NFATC3: variants seen among roughly 807,000 people sequenced by gnomAD.
The protein encoded by NFATC3 is nuclear factor of activated T cells 3, also known as nuclear factor of activated T-cells, cytoplasmic 3.
NFATC3 carries 46 observed loss-of-function variants against 98.6 expected under a neutral mutation model. The ratio of observed to expected loss-of-function variants is 0.47; its 90% CI spans 0.37 to 0.60. The LOEUF (loss-of-function observed/expected upper bound fraction) is 0.60. NFATC3 is among the 20% of genes least tolerant of loss of function. NFATC3 has a pLI of 0.00. For synonymous variants in NFATC3, 512 were observed against 472.2 expected (o/e 1.08, Z -1.09); for missense variants, 1,256 against 1,295.5 (o/e 0.97, Z 0.47).
At chr16:68,223,588 C>T (rs983447147) in intron 9 of NFATC3, among the ~76,000 whole-genome samples, 18 of 152,158 alleles carry the variant, frequency 1.2e-4, no homozygotes, top group East Asian at 1.9e-4. Flanking sequence ...GGTAACAGAG[C>T]GAGACCCTGT....
intron 6 of NFATC3, among the ~76,000 whole-genome samples, chr16:68,176,706 A>G (rs8048035): frequency 0.04 from 6,112 of 152,262 alleles, 365 homozygotes; most frequent in African/African-American, 0.13. Context: ...TTACTATGCA[A>G]TAACTGTGTC....
chr16:68,170,494 C>CTT (rs1364251442), intron 5 of NFATC3, among the ~76,000 whole-genome samples: 17 of 131,040 alleles, frequency 1.3e-4, no homozygotes, highest in African/African-American at 4.2e-4. Context: ...TCTGGCTGTT[C>CTT]TTTTTTTTTT....
intron 9 of NFATC3, among the ~76,000 whole-genome samples, chr16:68,193,416 G>T (rs981138698): frequency 6.6e-6 from 1 of 152,168 alleles, no homozygotes; most frequent in African/African-American, 2.4e-5. Flanking sequence ...TGTGGTCTCA[G>T]TGCTTTGGGA....
intron 6 of NFATC3, among the ~76,000 whole-genome samples, chr16:68,180,315 T>A (rs1336336656): frequency 6.6e-6 from 1 of 152,208 alleles, no homozygotes; most frequent in South Asian, 2.1e-4. Context: ...ATGTTTAGCC[T>A]AGTTGTTGGA....
chr16:68,095,653 C>T (rs1344194345), intron 1 of NFATC3, among the ~76,000 whole-genome samples: 3 of 152,166 alleles, frequency 2.0e-5, no homozygotes, highest in African/African-American at 7.2e-5. Flanking sequence ...TGTGCCCAGC[C>T]AGTTGAGGGA....
chr16:68,138,473 A>G (rs937698831), intron 3 of NFATC3: 88 of 1,251,834 alleles, frequency 7.0e-5, no homozygotes, highest in Non-Finnish European at 8.8e-5. Context: ...AAATTTTTTA[A>G]AAGTTTATTT....
chr16:68,089,046 C>A (rs59909969), intron 1 of NFATC3: 59 of 985,238 alleles, frequency 6.0e-5, no homozygotes, highest in Non-Finnish European at 7.0e-5. Context: ...AGGAAATTGA[C>A]GAGAATTGTT....
intron 1 of NFATC3, among the ~76,000 whole-genome samples, chr16:68,110,561 G>A (rs1241735518): frequency 4.0e-5 from 6 of 151,756 alleles, no homozygotes; most frequent in African/African-American, 7.3e-5. Context: ...TGATCTGCCC[G>A]CCTCAGCCTC....
intron 9 of NFATC3, chr16:68,221,342 A>G: frequency 6.2e-7 from 1 of 1,604,306 alleles, no homozygotes; most frequent in Non-Finnish European, 8.5e-7. Context: ...GAAGGAAAGC[A>G]GAGGACTTGC....
chr16:68,088,537 TA>T (rs779059667), intron 1 of NFATC3, among the ~76,000 whole-genome samples: 59 of 148,556 alleles, frequency 4.0e-4, no homozygotes, highest in Admixed American at 8.8e-4. Flanking sequence ...ATTTTATATA[TA>T]TTTTTTCTTT....
chr16:68,214,489 C>G, intron 9 of NFATC3: 1 of 1,476,758 alleles, frequency 6.8e-7, no homozygotes, highest in Admixed American at 1.7e-5. Flanking sequence ...TATTTGCATG[C>G]AGTGGCTGGA....
intron 1 of NFATC3, among the ~76,000 whole-genome samples, chr16:68,094,592 C>T (rs949302712): frequency 1.5e-4 from 23 of 152,114 alleles, no homozygotes; most frequent in African/African-American, 5.1e-4. Context: ...GATTTTCTCT[C>T]TCTCTTGTAC....
At chr16:68,086,030 C>A in intron 1 of NFATC3, 2 of 406,778 alleles carry the variant, frequency 4.9e-6, no homozygotes, top group Non-Finnish European at 8.8e-6. Context: ...CCGGGACGAT[C>A]GGGGTTTGGA....
At chr16:68,213,475 A>C (rs1279086902) in intron 9 of NFATC3, among the ~76,000 whole-genome samples, 1 of 151,794 alleles carries the variant, frequency 6.6e-6, no homozygotes, top group Non-Finnish European at 1.5e-5. Flanking sequence ...AAAAAATACT[A>C]GTTTCAACTT....
At chr16:68,114,299 AC>A (rs1346324271) in intron 1 of NFATC3, among the ~76,000 whole-genome samples, 4 of 151,208 alleles carry the variant, frequency 2.6e-5, no homozygotes, top group Non-Finnish European at 4.4e-5. Flanking sequence ...GAACCTGGAT[AC>A]CTCAGTTGAC....
At chr16:68,147,530 TA>T (rs1364092831) in intron 3 of NFATC3, among the ~76,000 whole-genome samples, 1 of 152,238 alleles carries the variant, frequency 6.6e-6, no homozygotes, top group African/African-American at 2.4e-5. Flanking sequence ...GCTCTGGAGA[TA>T]ACAAGATGGA....
rs539112261 is a variant in NFATC3 at position 68,169,290 on chromosome 16, G to A, written c.1774+2275G>A. ...TAAAGTTATTAATTCATTTATTTGA[G>A]CAGGGTCTCACTCTTTTGCCCAGGC... On this transcript the variant is annotated intron_variant, in intron 5 of 9. Transcript: ENST00000346183. Among the ~76,000 whole-genome samples, 6 of 152,108 alleles carry A rather than the reference G, an allele frequency of 3.9e-5. No homozygotes were observed. The South Asian group carries it at 1.0e-3, about 26-fold the overall frequency.
intron 1 of NFATC3, among the ~76,000 whole-genome samples, chr16:68,120,166 G>C (rs1311321283): frequency 6.6e-6 from 1 of 150,940 alleles, no homozygotes; most frequent in Non-Finnish European, 1.5e-5. Context: ...CTGTGGTCTC[G>C]GCTACTTGAA....
chr16:68,097,539 A>C (rs2035083441), intron 1 of NFATC3, among the ~76,000 whole-genome samples: 1 of 152,206 alleles, frequency 6.6e-6, no homozygotes. Context: ...AAGTCACTGC[A>C]ACAGAGTGTG....
Sources: allele counts gnomAD v4.1 joint callset (sites outside exome capture counted in the v4.1 genomes callset), GRCh38; gene constraint gnomAD v4.1.1; transcripts MANE v1.5; gene names NCBI Gene and HGNC (gene_info 2026-07-23, HGNC 2026-07-21).